The following PLPP4 variants were observed in gnomAD, a reference collection of about 807,000 sequenced individuals.
PLPP4 encodes the protein phospholipid phosphatase 4.
A neutral mutation model predicts 32.2 loss-of-function variants in PLPP4; 20 were observed. The observed-to-expected ratio is 0.62, with a 90% CI of 0.44 to 0.90. The LOEUF (loss-of-function observed/expected upper bound fraction) is 0.90. PLPP4 is among the 40% of genes least tolerant of loss of function. The pLI is 0.00. For synonymous variants in PLPP4, 127 were observed against 133.0 expected, an observed-to-expected ratio of 0.95 and a Z score of 0.31; for missense variants, 257 against 353.1, an observed-to-expected ratio of 0.73 and a Z score of 2.18.
Position 120,520,900 on chromosome 10 carries a change from G to A in PLPP4, c.321-71G>A, listed in dbSNP as rs1300608809. ...AAAGAGCTGGGGGCAGTGGGGAGTT[G>A]GGGGGGTCAGCTTGGGGTCATTTGT... On this transcript the variant is annotated intron_variant, in intron 4 of 6. Transcript: ENST00000398250. 3.2e-6 allele frequency: 5 copies of A among 1,566,952 alleles called. No individual in the cohort carries two copies. The African/African-American group carries it at 5.4e-5, about 17-fold the overall frequency.
chr10:120,554,133 A>T (rs940638454), intron 5 of PLPP4, among the ~76,000 whole-genome samples: 1 of 152,162 alleles, frequency 6.6e-6, no homozygotes, highest in Non-Finnish European at 1.5e-5. Flanking sequence ...CATGCATATG[A>T]CCATATGCTG....
chr10:120,555,184 C>T lies in PLPP4; in HGVS notation c.446-19947C>T, dbSNP rs113259795. 8.5e-3 allele frequency among the ~76,000 whole-genome samples: 1,286 copies of T among 152,092 alleles called. 23 individuals are homozygous for T. Among genetic ancestry groups the T allele is most frequent in the African/African-American group, 0.03 (1,234 of 41,472 alleles). The stretch of plus-strand genomic sequence containing the variant: ...CAGAACCTACATAGCAAAATACTTA[C>T]TTTTACCTCTAGAAAGGAAAATGAA... On this transcript the variant is annotated intron_variant, in intron 5 of 6. Coordinates refer to ENST00000398250, the MANE Select transcript of PLPP4 (RefSeq NM_001030059.3).
At chr10:120,520,661 A>T (rs748694609) in intron 4 of PLPP4, among the ~76,000 whole-genome samples, 4 of 152,148 alleles carry the variant, frequency 2.6e-5, no homozygotes, top group Non-Finnish European at 4.4e-5. Flanking sequence ...ACAGGACCTC[A>T]GCTTTGGGTC....
chr10:120,457,032 G>A (rs1485106468), upstream of PLPP4: 1 of 173,616 alleles, frequency 5.8e-6, no homozygotes, highest in African/African-American at 2.4e-5. Context: ...AGGGATCCGG[G>A]AGTCCCTGAG....
chr10:120,559,295 T>C (rs1028789847), intron 5 of PLPP4, among the ~76,000 whole-genome samples: 2 of 112,892 alleles, frequency 1.8e-5, no homozygotes, highest in African/African-American at 3.2e-5. Flanking sequence ...CTTGCTTGTC[T>C]TTTCATGTTC....
intron 5 of PLPP4, among the ~76,000 whole-genome samples, chr10:120,572,234 T>C (rs954069452): frequency 2.9e-4 from 44 of 152,258 alleles, no homozygotes; most frequent in African/African-American, 1.0e-3. Context: ...GGGGTGCCAA[T>C]GCTGGCCAAA....
At chr10:120,498,725 A>G (rs967929341) in intron 1 of PLPP4, among the ~76,000 whole-genome samples, 1 of 148,060 alleles carries the variant, frequency 6.8e-6, no homozygotes, top group African/African-American at 2.5e-5. Flanking sequence ...CAGTGGTATG[A>G]TCTCAGCTCA....
At chr10:120,580,422 C>T (rs1459053673) in intron 6 of PLPP4, among the ~76,000 whole-genome samples, 1 of 152,078 alleles carries the variant, frequency 6.6e-6, no homozygotes, top group African/African-American at 2.4e-5. Flanking sequence ...ATAATGAAGC[C>T]TGAGGTCTTC....
intron 5 of PLPP4, among the ~76,000 whole-genome samples, chr10:120,560,737 G>A (rs985862410): frequency 2.6e-5 from 4 of 152,082 alleles, no homozygotes; most frequent in African/African-American, 4.8e-5. Context: ...CCTGGGTGGC[G>A]GAGTGAGACT....
At chr10:120,512,205 A>G (rs767961857) in intron 2 of PLPP4, among the ~76,000 whole-genome samples, 1 of 152,222 alleles carries the variant, frequency 6.6e-6, no homozygotes, top group Non-Finnish European at 1.5e-5. Flanking sequence ...CCAATAATTT[A>G]TGGCACAGAC....
In PLPP4 at chr10:120,581,435, G is replaced by T. The variant is rs115340569; in HGVS notation, c.616+6134G>T. 517 of 378,796 alleles carry T rather than the reference G, an allele frequency of 1.4e-3. 2 individuals carry two copies. The highest frequency in any genetic ancestry group is 0.01 in the African/African-American group (475 of 45,560). 23.5% of individuals were successfully genotyped at this position (378,796 alleles called of 1,614,324 possible). ...CAACTGCATTTGGAATGTGCCTTTA[G>T]AGCCTGCGTTAGCACATGTCACTTT... On this transcript the variant is annotated intron_variant, in intron 6 of 6. Transcript: ENST00000398250.
At chr10:120,482,631 G>A (rs370375999) in intron 1 of PLPP4, among the ~76,000 whole-genome samples, 54 of 152,240 alleles carry the variant, frequency 3.5e-4, no homozygotes, top group South Asian at 1.5e-3. Flanking sequence ...GTCGCCAGGC[G>A]CAGTGGCTCA....
At chr10:120,550,012 TAAAAG>T (rs1847813558) in intron 5 of PLPP4, among the ~76,000 whole-genome samples, 1 of 151,798 alleles carries the variant, frequency 6.6e-6, no homozygotes, top group Non-Finnish European at 1.5e-5. Flanking sequence ...TAAAATAAAA[TAAAAG>T]GCAAGGAAGA....
chr10:120,461,785 G>A (rs1848061021), intron 1 of PLPP4, among the ~76,000 whole-genome samples: 1 of 152,164 alleles, frequency 6.6e-6, no homozygotes, highest in Non-Finnish European at 1.5e-5. Flanking sequence ...CTCTTTCATT[G>A]TTCATCCACT....
chr10:120,567,681 T>C (rs1564845113), intron 5 of PLPP4, among the ~76,000 whole-genome samples: 1 of 141,846 alleles, frequency 7.0e-6, no homozygotes, highest in Non-Finnish European at 1.6e-5. Flanking sequence ...TTTGTTTGTT[T>C]GTTTTTTTGA....
chr10:120,510,211 C>T (rs909821066), intron 2 of PLPP4, among the ~76,000 whole-genome samples: 2 of 152,126 alleles, frequency 1.3e-5, no homozygotes, highest in African/African-American at 4.8e-5. Context: ...CAGCCCCATA[C>T]TCATAACAAG....
intron 5 of PLPP4, among the ~76,000 whole-genome samples, chr10:120,543,844 T>C (rs1441563174): frequency 2.0e-5 from 3 of 152,224 alleles, no homozygotes; most frequent in Non-Finnish European, 4.4e-5. Context: ...AGGTCCCTCA[T>C]ATAAATGGAA....
rs545155020 is a variant in PLPP4 at position 120,496,536 on chromosome 10, G to C, written c.57-7282G>C. The stretch of plus-strand genomic sequence containing the variant: ...CCAATCTAGACATCTTCTTAAAGCA[G>C]AGTGCAGTGGCAAGCTCATGTGTTC... On this transcript the variant is annotated intron_variant, in intron 1 of 6. Coordinates refer to ENST00000398250, the MANE Select transcript of PLPP4 (RefSeq NM_001030059.3). Among the ~76,000 whole-genome samples the C allele has an allele frequency of 5.3e-5, 8 of 152,324 alleles. No individual in the cohort carries two copies. In the South Asian group the frequency reaches 1.7e-3, roughly 32 times the overall value.
At chr10:120,565,318 G>A (rs1053315227) in intron 5 of PLPP4, among the ~76,000 whole-genome samples, 2 of 6,858 alleles carry the variant, frequency 2.9e-4, no homozygotes, top group African/African-American at 2.1e-3. Context: ...TTTGTGTGGT[G>A]TGTGTGTGTG....
Sources: allele counts gnomAD v4.1 joint callset (sites outside exome capture counted in the v4.1 genomes callset), GRCh38; gene constraint gnomAD v4.1.1; transcripts MANE v1.5; gene names NCBI Gene and HGNC (gene_info 2026-07-23, HGNC 2026-07-21).